Variants in ZNF804B observed in about 807,000 individuals in gnomAD.
The protein encoded by ZNF804B is zinc finger protein 804B.
In ZNF804B, 80 loss-of-function variants were observed where a neutral mutation model predicts 101.4. The observed-to-expected ratio is 0.79, with a 90% CI of 0.66 to 0.95. The LOEUF is 0.95. Ranked by LOEUF, ZNF804B falls within the 40% of genes least tolerant of loss-of-function variation. The probability of loss-of-function intolerance (pLI) is 0.00; values close to 1 mark genes in which losing one functional copy is unlikely to be tolerated. For missense variants in ZNF804B, 1,673 were observed against 1,561.9 expected, an observed-to-expected ratio of 1.07 and a Z score of -1.20; for synonymous variants, 622 against 558.8, an observed-to-expected ratio of 1.11 and a Z score of -1.59.
In ZNF804B at chr7:89,277,575, C is replaced by G. The variant is rs1157022928; in HGVS notation, c.250-49769C>G. Among the ~76,000 whole-genome samples, 4 of 145,924 alleles carry G rather than the reference C, an allele frequency of 2.7e-5. No individual in the cohort carries two copies. The Admixed American group carries it at 2.8e-4, about 10-fold the overall frequency. On this transcript the variant is annotated intron_variant, in intron 2 of 3. Coordinates refer to ENST00000333190, the MANE Select transcript of ZNF804B (RefSeq NM_181646.5). ...CCAGGTGTTCTCATTGTTTAATTCC[C>G]ACCTATGAGTGAGAATATGCGGTGT...
chr7:89,171,359 C>CT (rs1562904583), intron 1 of ZNF804B, among the ~76,000 whole-genome samples: 1,212 of 66,534 alleles, frequency 0.018, 25 homozygotes, highest in Non-Finnish European at 0.024. Context: ...CTTCTTCTTC[C>CT]TCCTCTTCCT....
chr7:89,267,600 A>C (rs1789820579), intron 2 of ZNF804B, among the ~76,000 whole-genome samples: 2 of 152,112 alleles, frequency 1.3e-5, no homozygotes, highest in Non-Finnish European at 2.9e-5. Flanking sequence ...TTATCCTACA[A>C]GCCAGGCATT....
chr7:88,836,592 T>C (rs17164632), intron 1 of ZNF804B, among the ~76,000 whole-genome samples: 1 of 151,878 alleles, frequency 6.6e-6, no homozygotes, highest in Non-Finnish European at 1.5e-5. Context: ...GAGGGCATAA[T>C]ACTAGAAATA....
At chr7:88,795,563 G>C (rs1338630805) in intron 1 of ZNF804B, 1 of 151,950 alleles carries the variant, frequency 6.6e-6, no homozygotes, top group African/African-American at 2.4e-5. Context: ...TGTTGTAAGG[G>C]CTACATGAAA....
chr7:89,189,831 A>T (rs372589697), intron 1 of ZNF804B, among the ~76,000 whole-genome samples: 1 of 152,116 alleles, frequency 6.6e-6, no homozygotes, highest in East Asian at 1.9e-4. Context: ...CTAACACAAC[A>T]TCCACTCTGT....
intron 1 of ZNF804B, among the ~76,000 whole-genome samples, chr7:88,955,678 C>T (rs1013140497): frequency 8.6e-5 from 13 of 151,582 alleles, no homozygotes; most frequent in African/African-American, 3.1e-4. Flanking sequence ...CAGTCCAGGA[C>T]ATTGGTCTAG....
At chr7:88,955,634 A>C (rs1793294138) in intron 1 of ZNF804B, among the ~76,000 whole-genome samples, 1 of 151,702 alleles carries the variant, frequency 6.6e-6, no homozygotes, top group African/African-American at 2.4e-5. Context: ...CTTATAATTG[A>C]ATTCAGACTC....
chr7:89,254,095 A>C (rs540367346), intron 2 of ZNF804B, among the ~76,000 whole-genome samples: 7 of 152,188 alleles, frequency 4.6e-5, no homozygotes, highest in Non-Finnish European at 1.0e-4. Flanking sequence ...GTCAGTGGAA[A>C]GTTTCTGTTA....
At chr7:89,239,383 C>T (rs930883020) in intron 2 of ZNF804B, among the ~76,000 whole-genome samples, 2 of 152,138 alleles carry the variant, frequency 1.3e-5, no homozygotes, top group Non-Finnish European at 2.9e-5. Context: ...CCTGATACCC[C>T]AGAGTTCAAG....
chr7:88,773,704 C>T (rs973410636), intron 1 of ZNF804B, among the ~76,000 whole-genome samples: 14 of 151,916 alleles, frequency 9.2e-5, no homozygotes, highest in Admixed American at 6.6e-4. Context: ...ATGGTGCTGG[C>T]ATCTGCTTGG....
At chr7:89,070,387 G>C (rs1016084155) in intron 1 of ZNF804B, among the ~76,000 whole-genome samples, 3 of 152,112 alleles carry the variant, frequency 2.0e-5, no homozygotes, top group Non-Finnish European at 4.4e-5. Flanking sequence ...ATCCAGGCTA[G>C]ACCTGGAGGT....
chr7:88,881,172 A>G (rs1247191800), intron 1 of ZNF804B, among the ~76,000 whole-genome samples: 1 of 152,134 alleles, frequency 6.6e-6, no homozygotes, highest in Non-Finnish European at 1.5e-5. Context: ...GGTTATTTAT[A>G]AAAATAAATG....
rs750485373 is a variant in ZNF804B at position 89,335,037 on chromosome 7, C to A, written c.2055C>A (p.Thr685=). 5 of 1,613,818 alleles carry A rather than the reference C, an allele frequency of 3.1e-6. No individual in the cohort carries two copies. Among genetic ancestry groups the A allele is most frequent in the Non-Finnish European group, 4.2e-6 (5 of 1,179,926 alleles). Residue 685 remains threonine, a synonymous_variant, in exon 4 of 4, where the codon ACC becomes ACA. Transcript: ENST00000333190. ...VILKSNHISM[T]SKVSGCGNQR... ...TGAAGAGTAACCACATCAGCATGAC[C>A]AGCAAGGTTTCCGGATGTGGAAACC...
chr7:88,906,512 G>A (rs1041837650), intron 1 of ZNF804B, among the ~76,000 whole-genome samples: 1 of 152,198 alleles, frequency 6.6e-6, no homozygotes, highest in Admixed American at 6.6e-5. Flanking sequence ...TTATTCAGGA[G>A]CAAGTTGTTT....
intron 1 of ZNF804B, among the ~76,000 whole-genome samples, chr7:89,036,637 G>T (rs1287705544): frequency 2.0e-5 from 3 of 152,070 alleles, no homozygotes; most frequent in Non-Finnish European, 4.4e-5. Context: ...TAGTCTTAAT[G>T]TATAACTTAG....
intron 1 of ZNF804B, among the ~76,000 whole-genome samples, chr7:88,935,056 C>T (rs1792946906): frequency 6.6e-6 from 1 of 151,010 alleles, no homozygotes; most frequent in South Asian, 2.1e-4. Flanking sequence ...TATATACACA[C>T]ACACATACAC....
At chr7:89,239,513 C>T (rs544323964) in intron 2 of ZNF804B, among the ~76,000 whole-genome samples, 24 of 152,152 alleles carry the variant, frequency 1.6e-4, no homozygotes, top group African/African-American at 5.8e-4. Flanking sequence ...ATTTAGAATA[C>T]CTTAAATGTA....
chr7:88,954,565 C>CT (rs1491149893), intron 1 of ZNF804B, among the ~76,000 whole-genome samples: 2 of 150,568 alleles, frequency 1.3e-5, no homozygotes, highest in Admixed American at 1.3e-4. Flanking sequence ...GCCCCCCCCC[C>CT]ACCACGGGTG....
chr7:89,041,700 C>A (rs1454181439), intron 1 of ZNF804B, among the ~76,000 whole-genome samples: 1 of 152,136 alleles, frequency 6.6e-6, no homozygotes, highest in Admixed American at 6.6e-5. Context: ...TTTCCTCGAG[C>A]AGGACACAAC....
Sources: allele counts gnomAD v4.1 joint callset (sites outside exome capture counted in the v4.1 genomes callset), GRCh38; gene constraint gnomAD v4.1.1; transcripts MANE v1.5; gene names NCBI Gene and HGNC (gene_info 2026-07-23, HGNC 2026-07-21).